The following PCDHGA7 variants were observed in gnomAD, a reference collection of about 807,000 sequenced individuals.
The protein encoded by PCDHGA7 is protocadherin gamma subfamily A, 7.
Under a neutral mutation model 58.3 loss-of-function variants are expected in PCDHGA7, and 44 were observed. The observed-to-expected ratio is 0.75, with a 90% CI of 0.59 to 0.97. The LOEUF (loss-of-function observed/expected upper bound fraction) is 0.97, where lower values mean the gene tolerates loss of function less well. PCDHGA7 is among the 50% of genes least tolerant of loss of function. The pLI is 0.00. For synonymous variants in PCDHGA7, 516 were observed against 504.2 expected (o/e 1.02, Z -0.31); for missense variants, 1,266 against 1,188.7 (o/e 1.06, Z -0.96).
At chr5:141,404,044 A>G (rs752955570) in intron 1 of PCDHGA7, 3 of 1,613,936 alleles carry the variant, frequency 1.9e-6, no homozygotes, top group South Asian at 1.1e-5. Context: ...CTCAGGGAAC[A>G]GTAATTCTTC....
At chr5:141,450,006 CTTT>C (rs1554136305) in intron 1 of PCDHGA7, among the ~76,000 whole-genome samples, 9 of 132,974 alleles carry the variant, frequency 6.8e-5, no homozygotes, top group Admixed American at 7.8e-5. Context: ...TGCCATGTCT[CTTT>C]TTTTTTTTTT....
rs187164796 is a variant in PCDHGA7, at chr5:141,398,527, A to C, written c.2424+13204A>C. On this transcript the variant is annotated intron_variant, in intron 1 of 3. Transcript: ENST00000518325. ...CATTAATGACCACACGCCAAAATTC[A>C]CGCAAAATTCCTTTGAGCTGCAAAT... 1.8e-3 allele frequency: 2,980 copies of C among 1,613,696 alleles called. 47 individuals are homozygous for C. The African/African-American group carries it at 0.033, about 18-fold the overall frequency.
chr5:141,426,492 T>C (rs1439487321), intron 1 of PCDHGA7: 2 of 336,712 alleles, frequency 5.9e-6, no homozygotes, highest in African/African-American at 4.3e-5. Context: ...TTAGAGTTAG[T>C]GCAGAGAAAC....
At chr5:141,415,153 G>A in intron 1 of PCDHGA7, 4 of 1,613,780 alleles carry the variant, frequency 2.5e-6, no homozygotes, top group South Asian at 2.2e-5. Flanking sequence ...CCCTCTCTCC[G>A]CCACTGTCAC....
At position 141,489,180 on chromosome 5, in the gene PCDHGA7, C is replaced by G. The variant is rs942218118; in HGVS notation, c.2425-5627C>G. On this transcript the variant is annotated intron_variant, in intron 1 of 3. Transcript: ENST00000518325. This position sits in a 1 kb window ranked among gnomAD's most constrained non-coding sequence, Gnocchi z 4.5. ...GACTTCAGCTGCTGCATTCCAAGCC[C>G]TGGGTCTACCTTGGAGACAGGACAG... The G allele has an allele frequency of 1.8e-5, 23 of 1,259,630 alleles. No homozygotes were observed. In the South Asian group the frequency reaches 3.0e-4, roughly 17 times the overall value. The allele number at this position is 1,259,630 out of a possible 1,614,324, so 78.0% of individuals were successfully genotyped here.
chr5:141,487,162 G>T lies in PCDHGA7; in HGVS notation c.2425-7645G>T, dbSNP rs2099640627. 6.2e-7 allele frequency: 1 copy of T among 1,613,496 alleles called. No individual in the cohort carries two copies. Among genetic ancestry groups the T allele is most frequent in the African/African-American group, 1.3e-5 (1 of 75,026 alleles). On this transcript the variant is annotated intron_variant, in intron 1 of 3. Transcript: ENST00000518325. This position sits in a 1 kb window ranked among gnomAD's most constrained non-coding sequence, Gnocchi z 5.0. ...TCTCTACCTCTGTTACTCTCTTAGTGTCCTTAGAGGAAGACACTCATCCAG... is the reference window on the plus strand; with the variant it reads ...TCTCTACCTCTGTTACTCTCTTAGTTTCCTTAGAGGAAGACACTCATCCAG...
rs143083513 is a variant in PCDHGA7 at position 141,431,088 on chromosome 5, T to C, written c.2424+45765T>C. On this transcript the variant is annotated intron_variant, in intron 1 of 3. Coordinates refer to ENST00000518325, the MANE Select transcript of PCDHGA7 (RefSeq NM_018920.4). This position sits in a 1 kb window ranked among gnomAD's most constrained non-coding sequence, Gnocchi z 4.8. The stretch of plus-strand genomic sequence containing the variant: ...TGTCAATTAAATCTAGACATTCTGA[T>C]GGAGGATAAAGTGAAAATATATGGA... 106 of 1,614,180 alleles carry C rather than the reference T, an allele frequency of 6.6e-5. 1 individual carries two copies. The highest frequency in any genetic ancestry group is 3.1e-4 in the East Asian group (14 of 44,890).
chr5:141,510,813 C>G, intron 3 of PCDHGA7, 134 bp from the exon 4 acceptor site: 2 of 1,537,024 alleles, frequency 1.3e-6, no homozygotes, highest in Non-Finnish European at 1.8e-6. Context: ...CTTGGTGACC[C>G]CTATATTCCC....
At position 141,432,942 on chromosome 5, in the gene PCDHGA7, C is replaced by G. The variant is rs1346694514; in HGVS notation, c.2424+47619C>G. ...CACAAGTCACGCCTGCTGCAGGCTT[C>G]AGGAGGCGGCTTGACAGGAGCGCCG... On this transcript the variant is annotated intron_variant, in intron 1 of 3. Coordinates refer to ENST00000518325, the MANE Select transcript of PCDHGA7 (RefSeq NM_018920.4). The surrounding 1 kb of genome is among the most constrained non-coding windows in gnomAD (Gnocchi z 6.0). The G allele has an allele frequency of 1.2e-6, 2 of 1,614,190 alleles. No individual in the cohort carries two copies. Among genetic ancestry groups the G allele is most frequent in the Non-Finnish European group, 1.7e-6 (2 of 1,180,036 alleles).
chr5:141,414,950 T>C (rs1017858929), intron 1 of PCDHGA7: 2 of 1,613,912 alleles, frequency 1.2e-6, no homozygotes, highest in African/African-American at 2.7e-5. Context: ...GGCTACCTGG[T>C]GACCAAGGTG....
intron 1 of PCDHGA7, chr5:141,422,951 G>C (rs1382138030): frequency 3.7e-6 from 6 of 1,614,236 alleles, no homozygotes; most frequent in South Asian, 3.3e-5. Flanking sequence ...GGCTCCACTG[G>C]CGTGGAGCTG....
At chr5:141,417,555 TAGAGA>T (rs926975589) in intron 1 of PCDHGA7, 38 of 335,630 alleles carry the variant, frequency 1.1e-4, no homozygotes, top group Non-Finnish European at 1.5e-4. Context: ...TTGAAAGAGG[TAGAGA>T]AAAGTCAAGT....
rs1246198657 is a variant in PCDHGA7 at position 141,505,401 on chromosome 5, A to T, written c.2492A>T (p.Asn831Ile). The change falls in exon 3 of 4, where the codon AAT (asparagine) becomes ATT (isoleucine). Residue 831 changes from asparagine (N) to isoleucine (I), a missense_variant. By Grantham distance (149) the Asn-to-Ile change is moderately radical (BLOSUM62 -3). Transcript: ENST00000518325. Reference protein sequence around the residue: ...AQRPGTSGSQNGDDTGTWPNN... With the variant: ...AQRPGTSGSQIGDDTGTWPNN... ...TCCTACTCTCTCCCCAGCTCCCAAA[A>T]TGGCGATGACACCGGCACCTGGCCC... is the stretch of plus-strand genomic sequence containing the variant. The T allele has an allele frequency of 6.2e-7, 1 of 1,614,058 alleles. No individual in the cohort carries two copies. Among genetic ancestry groups the T allele is most frequent in the African/African-American group, 1.3e-5 (1 of 74,922 alleles).
Position 141,384,651 on chromosome 5 carries a change from C to T in PCDHGA7, c.1752C>T (p.Pro584=), listed in dbSNP as rs138410124. Residue 584 remains proline (P), a synonymous_variant, in exon 1 of 4, where the codon CCC becomes CCT. Coordinates refer to ENST00000518325, the MANE Select transcript of PCDHGA7 (RefSeq NM_018920.4). ...GMELAPRSAE[P]GYLVTKVVAV... ...AGCTGGCACCCCGCTCCGCAGAGCCCGGCTACCTGGTGACCAAGGTGGTGG... is the reference window on the plus strand; with the variant it reads ...AGCTGGCACCCCGCTCCGCAGAGCCTGGCTACCTGGTGACCAAGGTGGTGG... 0.026 allele frequency: 42,093 copies of T among 1,614,188 alleles called. 638 individuals carry two copies. Among genetic ancestry groups the T allele is most frequent in the Non-Finnish European group, 0.031 (36,790 of 1,180,022 alleles).
Position 141,477,071 on chromosome 5 carries a change from G to T in PCDHGA7, c.2425-17736G>T. 6.2e-7 allele frequency: 1 copy of T among 1,614,226 alleles called. No individual in the cohort carries two copies. The highest frequency in any genetic ancestry group is 8.5e-7 in the Non-Finnish European group (1 of 1,180,030). ...GGACTTCGAGGACACCAAACTCCAT[G>T]AGATTTACATCCAGGCCAAAGACAA... is the stretch of plus-strand genomic sequence containing the variant. On this transcript the variant is annotated intron_variant, in intron 1 of 3. Coordinates refer to ENST00000518325, the MANE Select transcript of PCDHGA7 (RefSeq NM_018920.4). This position sits in a 1 kb window ranked among gnomAD's most constrained non-coding sequence, Gnocchi z 4.9.
chr5:141,460,608 T>A (rs2098993153), intron 1 of PCDHGA7, among the ~76,000 whole-genome samples: 1 of 152,186 alleles, frequency 6.6e-6, no homozygotes, highest in Non-Finnish European at 1.5e-5. Context: ...CTGTGTTAGA[T>A]GGATAGATAG....
At chr5:141,443,713 A>G (rs774603084) in intron 1 of PCDHGA7, among the ~76,000 whole-genome samples, 19 of 152,246 alleles carry the variant, frequency 1.2e-4, no homozygotes, top group Admixed American at 8.5e-4. Flanking sequence ...ACATTTGCAT[A>G]TAAAATTCCT....
rs946434728 is a variant in PCDHGA7, at chr5:141,428,357, C to A, written c.2424+43034C>A. On this transcript the variant is annotated intron_variant, in intron 1 of 3. Coordinates refer to ENST00000518325, the MANE Select transcript of PCDHGA7 (RefSeq NM_018920.4). ...CTCTTCTTCCTCGCAGTGATTTTGG[C>A]GGTCGCCTTGCACCTGCGATGCTCT... is the stretch of plus-strand genomic sequence containing the variant. The A allele has an allele frequency of 1.2e-5, 7 of 565,506 alleles. No individual in the cohort carries two copies. The East Asian group carries it at 2.0e-4, about 16-fold the overall frequency. The allele number at this position is 565,506 out of a possible 1,614,324, so 35.0% of individuals were successfully genotyped here.
chr5:141,501,945 T>C (rs1318749969), intron 2 of PCDHGA7, among the ~76,000 whole-genome samples: 1 of 152,106 alleles, frequency 6.6e-6, no homozygotes, highest in Non-Finnish European at 1.5e-5. Context: ...CACTGCTCCC[T>C]GTGACAGGTC....
Sources: gnomAD v4.1 joint callset for allele counts (sites outside exome capture counted in the v4.1 genomes callset) on GRCh38, gnomAD v4.1.1 for gene constraint, Gnocchi (gnomAD v3.1) non-coding constraint, MANE v1.5 for transcripts, NCBI Gene and HGNC (gene_info 2026-07-23, HGNC 2026-07-21) for gene names.